Variants in KANSL1 observed in about 807,000 individuals in gnomAD.
KANSL1 encodes KAT8 regulatory NSL complex subunit 1, also known as MLL1/MLL complex subunit KANSL1.
A neutral mutation model predicts 103.6 loss-of-function variants in KANSL1; 22 were observed. The observed-to-expected ratio is 0.21, with a 90% CI of 0.15 to 0.30. The LOEUF (loss-of-function observed/expected upper bound fraction) is 0.30, where lower values mean the gene tolerates loss of function less well. KANSL1 is among the 10% of genes least tolerant of loss of function. The probability of loss-of-function intolerance (pLI) is 1.00; values close to 1 mark genes in which losing one functional copy is unlikely to be tolerated. For missense variants in KANSL1, 1,337 were observed against 1,399.8 expected (o/e 0.96, Z 0.72); for synonymous variants, 600 against 527.6 (o/e 1.14, Z -1.88).
chr17:46,191,830 G>A (rs1021355240), intron 1 of KANSL1, among the ~76,000 whole-genome samples: 3 of 152,210 alleles, frequency 2.0e-5, no homozygotes, highest in Non-Finnish European at 2.9e-5. Flanking sequence ...TGGAGGGGAG[G>A]GAGGCGAGGC....
chr17:46,168,467 C>G (rs1052675779), intron 2 of KANSL1, among the ~76,000 whole-genome samples: 3 of 152,216 alleles, frequency 2.0e-5, no homozygotes, highest in African/African-American at 7.2e-5. Flanking sequence ...CCTGCCTCAG[C>G]CTCCAGAGCA....
chr17:46,182,574 T>C (rs2046842348), intron 1 of KANSL1, among the ~76,000 whole-genome samples: 1 of 152,258 alleles, frequency 6.6e-6, no homozygotes, highest in South Asian at 2.1e-4. Context: ...TTTATATTAC[T>C]AAAGGAATCA....
chr17:46,045,457 A>G (rs2077473522), intron 7 of KANSL1: 1 of 125,972 alleles, frequency 7.9e-6, no homozygotes, highest in African/African-American at 2.5e-5. Flanking sequence ...ATATATCTCC[A>G]CAGTCTCATA....
intron 1 of KANSL1, among the ~76,000 whole-genome samples, chr17:46,216,784 T>G (rs1304267761): frequency 6.6e-6 from 1 of 152,104 alleles, no homozygotes; most frequent in Non-Finnish European, 1.5e-5. Context: ...TGTTCTGGGC[T>G]GAATTGTGTT....
chr17:46,196,582 G>A (rs2047617612), upstream of KANSL1: 1 of 371,624 alleles, frequency 2.7e-6, no homozygotes, highest in Admixed American at 3.6e-5. Context: ...ATAGCATTAA[G>A]CCACTGTATC....
In KANSL1 at chr17:46,159,619, T is replaced by C. The variant is rs541507388; in HGVS notation, c.1289+11236A>G. On this transcript the variant is annotated intron_variant, in intron 2 of 14. Transcript: ENST00000432791. ...CCAGCAAGAGTTTTCTTGAGGAAAA[T>C]ACTAAACACAAAGCACATGCTTACA... 4.9e-4 allele frequency among the ~76,000 whole-genome samples: 74 copies of C among 152,298 alleles called. No individual in the cohort carries two copies. The South Asian group carries it at 0.015, about 30-fold the overall frequency.
In KANSL1 at chr17:46,031,704, C is replaced by T. The variant is rs1452301721; in HGVS notation, c.3091-1G>A. ...TCCGCCGCTCCCAGGGCTGGACAGACTGTAGGCAGACAAGTTGCTCTTTGA... is the reference window on the plus strand; with the variant it reads ...TCCGCCGCTCCCAGGGCTGGACAGATTGTAGGCAGACAAGTTGCTCTTTGA... On this transcript the variant is annotated splice_acceptor_variant, in intron 14 of 14. Coordinates refer to ENST00000432791, the MANE Select transcript of KANSL1 (RefSeq NM_015443.4). LOFTEE classifies it high-confidence loss of function. 6.3e-7 allele frequency: 1 copy of T among 1,593,514 alleles called. No homozygotes were observed. Among genetic ancestry groups the T allele is most frequent in the Non-Finnish European group, 8.6e-7 (1 of 1,164,636 alleles).
At chr17:46,109,478 G>A (rs1422532427) in intron 2 of KANSL1, among the ~76,000 whole-genome samples, 1 of 152,140 alleles carries the variant, frequency 6.6e-6, no homozygotes, top group South Asian at 2.1e-4. Context: ...AAAATATTCT[G>A]TCATGTTCAT....
At chr17:46,140,275 A>G (rs1332554243) in intron 2 of KANSL1, among the ~76,000 whole-genome samples, 19 of 152,264 alleles carry the variant, frequency 1.2e-4, no homozygotes. Flanking sequence ...CTAAATTTAC[A>G]TTGTAAAACA....
intron 2 of KANSL1, among the ~76,000 whole-genome samples, chr17:46,168,768 A>G (rs894892727): frequency 5.3e-5 from 8 of 152,376 alleles, no homozygotes; most frequent in African/African-American, 1.7e-4. Flanking sequence ...TAATTGCAAG[A>G]GGATTCAACT....
chr17:46,177,935 GC>G (rs1281413609), intron 1 of KANSL1, among the ~76,000 whole-genome samples: 6 of 152,114 alleles, frequency 3.9e-5, no homozygotes, highest in African/African-American at 1.4e-4. Context: ...CCGCCACCAC[GC>G]CCAGCTAGTT....
At chr17:46,147,841 G>T (rs953231238) in intron 2 of KANSL1, among the ~76,000 whole-genome samples, 6 of 152,198 alleles carry the variant, frequency 3.9e-5, no homozygotes, top group Admixed American at 3.3e-4. Context: ...ATCAAAAATA[G>T]AATCACAGGC....
intron 3 of KANSL1, among the ~76,000 whole-genome samples, chr17:46,083,564 G>A (rs2079056021): frequency 6.6e-6 from 1 of 151,948 alleles, no homozygotes; most frequent in Non-Finnish European, 1.5e-5. Context: ...CATGGAGGTG[G>A]GTGTCTCTCT....
intron 2 of KANSL1, among the ~76,000 whole-genome samples, chr17:46,126,537 T>A (rs568956179): frequency 3.3e-5 from 5 of 152,198 alleles, no homozygotes; most frequent in African/African-American, 9.7e-5. Flanking sequence ...CTGGATAATA[T>A]GTCAAGGAGA....
At chr17:46,038,810 A>G in intron 9 of KANSL1, 124 bp from the exon 10 acceptor site, 7 of 1,329,722 alleles carry the variant, frequency 5.3e-6, no homozygotes, top group Non-Finnish European at 7.4e-6. Flanking sequence ...CTAGAGGATA[A>G]AAAGGTGAAG....
intron 12 of KANSL1, 69 bp downstream of exon 12, chr17:46,033,334 T>C: frequency 6.6e-7 from 1 of 1,506,216 alleles, no homozygotes; most frequent in South Asian, 1.1e-5. Flanking sequence ...CCATTTAGGG[T>C]GTGTGCACTC....
In KANSL1 at chr17:46,192,905, C is replaced by G. The variant is rs2047416785; in HGVS notation, c.-172G>C. Reference sequence around the variant, plus strand: ...GCAAACAGCCCCCCGGCCTGGGCGCCGAGGGCCAGCGGCGGGCGGGGGCGC... The same window carrying G: ...GCAAACAGCCCCCCGGCCTGGGCGCGGAGGGCCAGCGGCGGGCGGGGGCGC... On this transcript the variant is annotated 5_prime_UTR_variant, in exon 1 of 15. Transcript: ENST00000432791. The G allele has an allele frequency of 6.6e-6, 1 of 152,166 alleles. No individual in the cohort carries two copies. The highest frequency in any genetic ancestry group is 1.5e-5 in the Non-Finnish European group (1 of 68,132). 9.4% of individuals were successfully genotyped at this position (152,166 alleles called of 1,614,324 possible). A position where few individuals can be genotyped will look rare whatever the true frequency, so the allele number is the denominator to read the frequency against.
intron 7 of KANSL1, chr17:46,043,402 C>A (rs2077395605): frequency 6.6e-6 from 1 of 152,104 alleles, no homozygotes; most frequent in Non-Finnish European, 1.5e-5. Context: ...CTGGTTCTAT[C>A]TCGAGTAGAA....
intron 2 of KANSL1, among the ~76,000 whole-genome samples, chr17:46,112,442 T>C (rs2042855758): frequency 6.8e-6 from 1 of 146,596 alleles, no homozygotes; most frequent in South Asian, 2.2e-4. Context: ...CTCAGCCCTT[T>C]GGGAGGCTGA....
Sources: allele counts gnomAD v4.1 joint callset (sites outside exome capture counted in the v4.1 genomes callset), GRCh38; gene constraint gnomAD v4.1.1; transcripts MANE v1.5; gene names NCBI Gene and HGNC (gene_info 2026-07-23, HGNC 2026-07-21).